The following PRKCH variants were observed in gnomAD, a reference collection of about 807,000 sequenced individuals.
PRKCH encodes the protein protein kinase C eta type.
In PRKCH, 28 loss-of-function variants were observed where a neutral mutation model predicts 82.5. The ratio of observed to expected loss-of-function variants is 0.34; its 90% CI spans 0.25 to 0.47. PRKCH has a LOEUF of 0.47. PRKCH is among the 20% of genes least tolerant of loss of function. The probability of loss-of-function intolerance (pLI) is 1.00; values close to 1 mark genes in which losing one functional copy is unlikely to be tolerated. For missense variants in PRKCH, 705 were observed against 881.8 expected (o/e 0.80, Z 2.54); for synonymous variants, 322 against 327.4 (o/e 0.98, Z 0.18).
At chr14:61,215,867 T>C (rs2044612441) in intron 1 of PRKCH, among the ~76,000 whole-genome samples, 1 of 152,174 alleles carries the variant, frequency 6.6e-6, no homozygotes, top group Admixed American at 6.5e-5. Flanking sequence ...TCAAGCTGTA[T>C]CCAATTTTGT....
intron 10 of PRKCH, among the ~76,000 whole-genome samples, chr14:61,494,816 A>G (rs1361264850): frequency 6.6e-6 from 1 of 152,232 alleles, no homozygotes; most frequent in Non-Finnish European, 1.5e-5. Context: ...TCTGAAGACC[A>G]GTCTCTATAG....
chr14:61,229,345 G>C (rs966586081), intron 1 of PRKCH, among the ~76,000 whole-genome samples: 1 of 152,136 alleles, frequency 6.6e-6, no homozygotes, highest in African/African-American at 2.4e-5. Context: ...ATTGCAGGAA[G>C]GACTGACCTC....
At chr14:61,399,155 G>A (rs149075017) in intron 2 of PRKCH, among the ~76,000 whole-genome samples, 198 of 152,296 alleles carry the variant, frequency 1.3e-3, no homozygotes, top group African/African-American at 4.5e-3. Flanking sequence ...ATTGAAACCC[G>A]ATTAGCCATG....
At chr14:61,302,002 C>G (rs2045451222) in intron 1 of PRKCH, among the ~76,000 whole-genome samples, 1 of 152,162 alleles carries the variant, frequency 6.6e-6, no homozygotes. Context: ...AACCACTGAC[C>G]TAGTTTCTAT....
intron 10 of PRKCH, among the ~76,000 whole-genome samples, chr14:61,489,213 A>G (rs4281621): frequency 0.036 from 5,428 of 152,282 alleles, 246 homozygotes; most frequent in East Asian, 0.24. Context: ...AACGCCCTTT[A>G]TCAGAGCTAA....
intron 12 of PRKCH, among the ~76,000 whole-genome samples, chr14:61,539,826 C>T (rs1405595488): frequency 6.6e-6 from 1 of 152,224 alleles, no homozygotes; most frequent in African/African-American, 2.4e-5. Context: ...TGACGCCGGA[C>T]AGGCCAGTCC....
chr14:61,351,677 T>C (rs2046076893), intron 1 of PRKCH, among the ~76,000 whole-genome samples: 1 of 152,116 alleles, frequency 6.6e-6, no homozygotes, highest in Non-Finnish European at 1.5e-5. Context: ...TATCATAGTG[T>C]CATATTCTCT....
At chr14:61,263,686 G>A (rs978284991) in intron 1 of PRKCH, among the ~76,000 whole-genome samples, 1 of 150,490 alleles carries the variant, frequency 6.6e-6, no homozygotes, top group African/African-American at 2.5e-5. Flanking sequence ...TCCAGGTAGT[G>A]GAATACAAAA....
At chr14:61,429,873 T>A (rs941760616) in intron 2 of PRKCH, among the ~76,000 whole-genome samples, 29 of 152,218 alleles carry the variant, frequency 1.9e-4, no homozygotes, top group Non-Finnish European at 3.5e-4. Flanking sequence ...CTGGCCAGAA[T>A]AATACTATAT....
At chr14:61,367,499 T>A (rs2046311716) in intron 1 of PRKCH, among the ~76,000 whole-genome samples, 1 of 151,824 alleles carries the variant, frequency 6.6e-6, no homozygotes, top group African/African-American at 2.4e-5. Context: ...GTGATTTCCC[T>A]ATTTTCAGCA....
At chr14:61,463,295 A>C (rs951741519) in intron 9 of PRKCH, 12 of 152,204 alleles carry the variant, frequency 7.9e-5, no homozygotes, top group African/African-American at 2.9e-4. Context: ...CAAAGGAAAA[A>C]TGTCCCAGGG....
intron 1 of PRKCH, among the ~76,000 whole-genome samples, chr14:61,257,608 C>T (rs935692667): frequency 2.0e-5 from 1 of 49,788 alleles, no homozygotes; most frequent in African/African-American, 6.2e-5. Context: ...CACACAGACA[C>T]ACACACACAC....
chr14:61,396,474 C>T (rs528732654), intron 2 of PRKCH, among the ~76,000 whole-genome samples: 60 of 152,124 alleles, frequency 3.9e-4, no homozygotes, highest in African/African-American at 1.3e-3. Context: ...TAAAGATGAA[C>T]GAGACATAGA....
upstream of PRKCH, among the ~76,000 whole-genome samples, chr14:61,318,387 A>G (rs1346034167): frequency 7.0e-5 from 6 of 85,958 alleles, no homozygotes; most frequent in African/African-American, 2.2e-4. Flanking sequence ...TTTTTTTTGT[A>G]GAGATGAGAG....
intron 2 of PRKCH, among the ~76,000 whole-genome samples, chr14:61,397,126 C>G (rs2046797884): frequency 6.6e-6 from 1 of 151,988 alleles, no homozygotes; most frequent in East Asian, 1.9e-4. Flanking sequence ...TTATTAGGGC[C>G]TGAATTAGGT....
rs368359009 is a variant in PRKCH, at chr14:61,348,646, C to T, written c.363+26182C>T. 9.2e-5 allele frequency among the ~76,000 whole-genome samples: 14 copies of T among 152,298 alleles called. 1 individual carries two copies. Among genetic ancestry groups the T allele is most frequent in the Admixed American group, 3.3e-4 (5 of 15,296 alleles). Reference sequence around the variant, plus strand: ...GGTATGTAATTTCTGTGACCTGTTCCGCTTCCTTCTCTCCTGTCACAGTCA... The same window carrying T: ...GGTATGTAATTTCTGTGACCTGTTCTGCTTCCTTCTCTCCTGTCACAGTCA... On this transcript the variant is annotated intron_variant, in intron 1 of 13. Transcript: ENST00000332981.
intron 1 of PRKCH, among the ~76,000 whole-genome samples, chr14:61,333,178 G>T (rs957813992): frequency 1.3e-5 from 2 of 152,210 alleles, no homozygotes; most frequent in African/African-American, 2.4e-5. Context: ...GTACAGAAGA[G>T]TTGAGAGCAG....
chr14:61,528,753 T>G (rs1594788048), intron 10 of PRKCH: 1 of 194,602 alleles, frequency 5.1e-6, no homozygotes, highest in Non-Finnish European at 1.1e-5. Flanking sequence ...ATAGGCTGAG[T>G]ATGAGGTAAG....
At chr14:61,250,238 AAAATAAATAAATAAATAAAT>A (rs371406494) in intron 1 of PRKCH, among the ~76,000 whole-genome samples, 6 of 139,172 alleles carry the variant, frequency 4.3e-5, no homozygotes, top group East Asian at 2.2e-4. Flanking sequence ...CTCAGTCTCA[AAAATAAATAAATAAATAAAT>A]AAATAAATAA....
Sources: allele counts gnomAD v4.1 joint callset (sites outside exome capture counted in the v4.1 genomes callset), GRCh38; gene constraint gnomAD v4.1.1; transcripts MANE v1.5; gene names NCBI Gene and HGNC (gene_info 2026-07-23, HGNC 2026-07-21).